Variants in CAST observed in about 807,000 individuals in gnomAD.
CAST encodes calpastatin.
CAST carries 76 observed loss-of-function variants against 119.6 expected under a neutral mutation model. The ratio of observed to expected loss-of-function variants is 0.64; its 90% confidence interval spans 0.53 to 0.77. The LOEUF is 0.77. CAST is among the 30% of genes least tolerant of loss of function. The pLI is 0.00. For missense variants in CAST, 953 were observed against 946.5 expected (o/e 1.01, Z -0.09); for synonymous variants, 319 against 331.6 (o/e 0.96, Z 0.41).
the CAST span, among the ~76,000 whole-genome samples, chr5:96,049,889 CAAAAAAAAA>C: frequency 2.3e-3 from 78 of 34,182 alleles, no homozygotes; most frequent in African/African-American, 2.7e-3. Context: ...GAACAGGAGG[CAAAAAAAAA>C]AAAAAAAAAA....
the CAST span, among the ~76,000 whole-genome samples, chr5:96,123,896 T>C: frequency 2.0e-5 from 3 of 152,158 alleles, no homozygotes; most frequent in Non-Finnish European, 2.9e-5. Context: ...TTTTTCCCCC[T>C]GCTTTGCCTA....
At chr5:96,561,786 GT>G (rs1554067776) in intron 1 of CAST, among the ~76,000 whole-genome samples, 1 of 105,442 alleles carries the variant, frequency 9.5e-6, no homozygotes, top group East Asian at 2.8e-4. Context: ...TTATATATAT[GT>G]TTTTTTTTGT....
chr5:96,744,981 G>A (rs548788763), intron 16 of CAST, among the ~76,000 whole-genome samples: 21 of 151,706 alleles, frequency 1.4e-4, no homozygotes, highest in East Asian at 7.7e-4. Context: ...CTTTTTTTTC[G>A]ATGCCTACTG....
At chr5:96,668,365 C>T (rs1467583653) in intron 1 of CAST, among the ~76,000 whole-genome samples, 11 of 152,204 alleles carry the variant, frequency 7.2e-5, no homozygotes, top group African/African-American at 2.7e-4. Context: ...AAAACTTAAT[C>T]AGATGAACCT....
chr5:96,554,815 C>A (rs1420306714), intron 1 of CAST, among the ~76,000 whole-genome samples: 4 of 152,172 alleles, frequency 2.6e-5, no homozygotes, highest in Non-Finnish European at 5.9e-5. Flanking sequence ...CTCATCATCA[C>A]TGGTCATTAG....
At chr5:96,400,082 A>G in the CAST span, 2 of 1,613,988 alleles carry the variant, frequency 1.2e-6, no homozygotes, top group African/African-American at 1.3e-5. Context: ...ACTATTCACC[A>G]TCAAGCCTGC....
At chr5:96,106,052 G>C in the CAST span, among the ~76,000 whole-genome samples, 1 of 152,186 alleles carries the variant, frequency 6.6e-6, no homozygotes, top group South Asian at 2.1e-4. Flanking sequence ...TCTGATGGTA[G>C]TTTGTATTTC....
the CAST span, among the ~76,000 whole-genome samples, chr5:96,212,459 C>A: frequency 0.12 from 18,685 of 152,068 alleles, 1,551 homozygotes; most frequent in East Asian, 0.22. Flanking sequence ...TGTATGGTTT[C>A]AATCCTTTAA....
At chr5:96,065,056 G>C in the CAST span, among the ~76,000 whole-genome samples, 1 of 152,046 alleles carries the variant, frequency 6.6e-6, no homozygotes, top group East Asian at 1.9e-4. Context: ...TCTGGTACTT[G>C]TTATTCCTGT....
chr5:96,107,123 A>T, the CAST span, among the ~76,000 whole-genome samples: 3 of 150,518 alleles, frequency 2.0e-5, no homozygotes, highest in Admixed American at 1.3e-4. Flanking sequence ...GTGTCTCTGC[A>T]CGTGAGATGG....
the CAST span, among the ~76,000 whole-genome samples, chr5:96,069,385 ATG>A: frequency 0.43 from 41,441 of 96,008 alleles, 6,162 homozygotes; most frequent in Middle Eastern, 0.47. Context: ...GTGTGTGTCT[ATG>A]TGTGTGTGTG....
chr5:96,081,976 T>C, the CAST span, among the ~76,000 whole-genome samples: 1 of 152,110 alleles, frequency 6.6e-6, no homozygotes, highest in African/African-American at 2.4e-5. Flanking sequence ...TGTAGCGGCG[T>C]GATCTCGGCT....
the CAST span, chr5:96,318,854 G>T: frequency 6.6e-6 from 1 of 152,122 alleles, no homozygotes; most frequent in Admixed American, 6.6e-5. Flanking sequence ...AGTAGTTAAT[G>T]CTACAGTGTT....
chr5:96,580,273 G>A (rs552894660), intron 1 of CAST, among the ~76,000 whole-genome samples: 35 of 152,216 alleles, frequency 2.3e-4, no homozygotes, highest in East Asian at 3.9e-4. Flanking sequence ...AAAAAGTATC[G>A]TAAATCAGAA....
chr5:96,465,261 G>A, the CAST span, among the ~76,000 whole-genome samples: 1 of 151,404 alleles, frequency 6.6e-6, no homozygotes, highest in Non-Finnish European at 1.5e-5. Context: ...TTTTTATCCT[G>A]CAAATTTGCT....
the CAST span, among the ~76,000 whole-genome samples, chr5:96,516,240 A>G: frequency 2.0e-5 from 3 of 152,066 alleles, no homozygotes; most frequent in Non-Finnish European, 1.5e-5. Context: ...AATTGTTTCA[A>G]GGGACATACA....
chr5:96,252,720 C>A, the CAST span, among the ~76,000 whole-genome samples: 1 of 152,240 alleles, frequency 6.6e-6, no homozygotes, highest in African/African-American at 2.4e-5. Context: ...TAGGTGAAGT[C>A]TATTTTTAAC....
the CAST span, among the ~76,000 whole-genome samples, chr5:96,003,483 A>G: frequency 6.8e-6 from 1 of 147,348 alleles, no homozygotes; most frequent in African/African-American, 2.5e-5. Flanking sequence ...GCTTGCAGTG[A>G]GCCGAGATGG....
intron 1 of CAST, among the ~76,000 whole-genome samples, chr5:96,568,753 G>A (rs983475248): frequency 6.6e-6 from 1 of 151,724 alleles, no homozygotes; most frequent in Non-Finnish European, 1.5e-5. Flanking sequence ...TTGGACAGGG[G>A]AGTTATTTAA....
Sources: gnomAD v4.1 joint callset for allele counts (sites outside exome capture counted in the v4.1 genomes callset) on GRCh38, gnomAD v4.1.1 for gene constraint, MANE v1.5 for transcripts, NCBI Gene and HGNC (gene_info 2026-07-23, HGNC 2026-07-21) for gene names.